The following RHOT1 variants were observed in gnomAD, a reference collection of about 807,000 sequenced individuals.
The protein encoded by RHOT1 is mitochondrial Rho GTPase 1.
A neutral mutation model predicts 95.3 loss-of-function variants in RHOT1; 27 were observed. The ratio of observed to expected loss-of-function variants is 0.28; its 90% CI spans 0.21 to 0.39. The LOEUF (loss-of-function observed/expected upper bound fraction) is 0.39, where lower values mean the gene tolerates loss of function less well. Ranked by LOEUF, RHOT1 falls within the 10% of genes least tolerant of loss-of-function variation. The pLI, the probability that RHOT1 is intolerant of heterozygous loss-of-function variation, is 1.00. For missense variants in RHOT1, 578 were observed against 786.7 expected, an observed-to-expected ratio of 0.73 and a Z score of 3.17; for synonymous variants, 227 against 263.5, an observed-to-expected ratio of 0.86 and a Z score of 1.34.
At chr17:32,201,558 C>T (rs1201136705) in intron 14 of RHOT1, among the ~76,000 whole-genome samples, 1 of 152,128 alleles carries the variant, frequency 6.6e-6, no homozygotes, top group Admixed American at 6.5e-5. Flanking sequence ...TATGGGAAGC[C>T]CTAGCACAAG....
At chr17:32,211,932 T>C (rs2038163223) in intron 19 of RHOT1, among the ~76,000 whole-genome samples, 1 of 152,172 alleles carries the variant, frequency 6.6e-6, no homozygotes. Flanking sequence ...AGGATGCATA[T>C]ATTCCCTCAA....
chr17:32,156,226 C>T (rs781539265), intron 1 of RHOT1, among the ~76,000 whole-genome samples: 2 of 152,176 alleles, frequency 1.3e-5, no homozygotes, highest in Non-Finnish European at 2.9e-5. Context: ...ATCTCTCTGC[C>T]ATTTCTAGGG....
Position 32,202,920 on chromosome 17 carries a change from A to G in RHOT1, c.1332+20A>G. ...TTAATGGTGAGAGTTCTCGTAAAAT[A>G]CAATTTTATCCAACAAATTTTTATA... On this transcript the variant is annotated intron_variant, in intron 15 of 19. Coordinates refer to ENST00000545287, the MANE Select transcript of RHOT1 (RefSeq NM_001033566.3). The G allele has an allele frequency of 1.2e-6, 2 of 1,602,606 alleles. No individual in the cohort carries two copies. Among genetic ancestry groups the G allele is most frequent in the Non-Finnish European group, 1.7e-6 (2 of 1,177,044 alleles).
intron 19 of RHOT1, among the ~76,000 whole-genome samples, chr17:32,219,939 G>GA (rs1164265151): frequency 1.3e-5 from 2 of 151,812 alleles, no homozygotes; most frequent in African/African-American, 2.4e-5. Flanking sequence ...CACTAGGTTA[G>GA]AAAAAAAACC....
chr17:32,165,656 T>A (rs2034010091), intron 1 of RHOT1, among the ~76,000 whole-genome samples: 1 of 152,214 alleles, frequency 6.6e-6, no homozygotes, highest in Non-Finnish European at 1.5e-5. Context: ...TAAAATGGGA[T>A]CATATTGCAC....
At chr17:32,212,166 C>A (rs1254534310) in intron 19 of RHOT1, among the ~76,000 whole-genome samples, 1 of 152,172 alleles carries the variant, frequency 6.6e-6, no homozygotes, top group Non-Finnish European at 1.5e-5. Context: ...TTATTTGGCT[C>A]ACCATTGGAC....
In RHOT1 at chr17:32,150,234, G is replaced by A. The variant is rs140981828; in HGVS notation, c.37+7505G>A. The stretch of plus-strand genomic sequence containing the variant: ...TGTCTGATCCTTTATTAAAGTAGCT[G>A]TTATTTCACTGCTCTTCCAAAAGGA... On this transcript the variant is annotated intron_variant, in intron 1 of 19. Transcript: ENST00000545287. 7.8e-4 allele frequency among the ~76,000 whole-genome samples: 119 copies of A among 152,194 alleles called. 2 individuals are homozygous for A. In the East Asian group the frequency reaches 0.019, roughly 25 times the overall value.
chr17:32,201,068 G>A lies in RHOT1; in HGVS notation c.1201+12G>A. On this transcript the variant is annotated intron_variant, in intron 14 of 19. Transcript: ENST00000545287. ...TTCAGCTGTTACAGGTAAGTATCTA[G>A]ATACTGTTCAGCTCATGATTAGAGA... The A allele has an allele frequency of 6.7e-7, 1 of 1,493,984 alleles. No homozygotes were observed. Among genetic ancestry groups the A allele is most frequent in the East Asian group, 2.3e-5 (1 of 44,182 alleles). The allele number at this position is 1,493,984 out of a possible 1,614,324, so 92.5% of individuals were successfully genotyped here.
In RHOT1 at chr17:32,164,471, A is replaced by G. The variant is rs183243133; in HGVS notation, c.38-6572A>G. 7.5e-3 allele frequency among the ~76,000 whole-genome samples: 1,144 copies of G among 151,992 alleles called. 12 individuals carry two copies. Among genetic ancestry groups the G allele is most frequent in the African/African-American group, 0.026 (1,073 of 41,474 alleles). On this transcript the variant is annotated intron_variant, in intron 1 of 19. Coordinates refer to ENST00000545287, the MANE Select transcript of RHOT1 (RefSeq NM_001033566.3). ...ATGGTCTTGATCTCTTGACCTCATG[A>G]TCCGCCCACCTCGGCCTCCCAAAGT...
intron 1 of RHOT1, among the ~76,000 whole-genome samples, chr17:32,164,244 T>C (rs2033841842): frequency 6.6e-6 from 1 of 152,126 alleles, no homozygotes; most frequent in Non-Finnish European, 1.5e-5. Context: ...CCCAATTTTT[T>C]TCTTTTTTTA....
Position 32,199,409 on chromosome 17 carries a change from G to A in RHOT1, c.959G>A (p.Arg320Lys). The change falls in exon 13 of 20, where the codon AGA (arginine) becomes AAA (lysine). Residue 320 changes from arginine to lysine, a missense_variant. Arg to Lys is a conservative substitution (Grantham distance 26). Coordinates refer to ENST00000545287, the MANE Select transcript of RHOT1 (RefSeq NM_001033566.3). ...TGTATCCTTGTGTTTCTTCAGGATAGAGACTGTGCTTTGTCACCTGATGAG... is the reference window on the plus strand; with the variant it reads ...TGTATCCTTGTGTTTCTTCAGGATAAAGACTGTGCTTTGTCACCTGATGAG... ...QSTFDKHDLD[R>K]DCALSPDELK... 1.2e-6 allele frequency: 2 copies of A among 1,610,532 alleles called. No homozygotes were observed. Among genetic ancestry groups the A allele is most frequent in the South Asian group, 2.2e-5 (2 of 90,318 alleles).
chr17:32,202,719 G>A (rs2037412480), intron 14 of RHOT1, 51 bp from the exon 15 acceptor site: 1 of 1,375,714 alleles, frequency 7.3e-7, no homozygotes, highest in Non-Finnish European at 9.9e-7. Flanking sequence ...GAGGCTTAGT[G>A]AATCTAAGTG....
intron 3 of RHOT1, 60 bp from the exon 4 acceptor site, chr17:32,175,259 G>A (rs2034900304): frequency 2.2e-6 from 3 of 1,390,418 alleles, no homozygotes; most frequent in South Asian, 2.3e-5. Flanking sequence ...AATTTAGCTT[G>A]GCCATTAGTT....
At chr17:32,202,727 G>C in intron 14 of RHOT1, 43 bp from the exon 15 acceptor site, 1 of 1,430,452 alleles carries the variant, frequency 7.0e-7, no homozygotes, top group Non-Finnish European at 9.5e-7. Flanking sequence ...GTGAATCTAA[G>C]TGGTACATAT....
intron 9 of RHOT1, among the ~76,000 whole-genome samples, chr17:32,192,793 T>C (rs2036595738): frequency 6.6e-6 from 1 of 151,202 alleles, no homozygotes; most frequent in Non-Finnish European, 1.5e-5. Flanking sequence ...TGCCTCAGCC[T>C]CCCAAGTAGC....
intron 19 of RHOT1, among the ~76,000 whole-genome samples, chr17:32,216,181 G>A (rs1385426619): frequency 6.6e-6 from 1 of 152,036 alleles, no homozygotes; most frequent in Non-Finnish European, 1.5e-5. Flanking sequence ...CTAGATTGTA[G>A]TGTATCGTGA....
chr17:32,149,736 TACACAC>T (rs113295992), intron 1 of RHOT1, among the ~76,000 whole-genome samples: 1 of 144,252 alleles, frequency 6.9e-6, no homozygotes, highest in East Asian at 2.0e-4. Context: ...CACATATATA[TACACAC>T]ACACACACAC....
intron 8 of RHOT1, among the ~76,000 whole-genome samples, chr17:32,189,324 CA>C (rs2036291022): frequency 6.6e-6 from 1 of 152,030 alleles, no homozygotes; most frequent in Non-Finnish European, 1.5e-5. Context: ...AAACAAAAAA[CA>C]ACAAAAAAAC....
At chr17:32,192,096 A>T (rs2036530960) in intron 8 of RHOT1, 105 bp from the exon 9 acceptor site, 1 of 642,304 alleles carries the variant, frequency 1.6e-6, no homozygotes, top group Non-Finnish European at 2.7e-6. Flanking sequence ...TCATTTTTCC[A>T]TGTTGGTTGT....
Sources: gnomAD v4.1 joint callset for allele counts (sites outside exome capture counted in the v4.1 genomes callset) on GRCh38, gnomAD v4.1.1 for gene constraint, MANE v1.5 for transcripts, NCBI Gene and HGNC (gene_info 2026-07-23, HGNC 2026-07-21) for gene names.